The following LCAT variants were observed in gnomAD, a reference collection of about 807,000 sequenced individuals.
LCAT encodes lecithin-cholesterol acyltransferase, also known as phosphatidylcholine-sterol acyltransferase.
Under a neutral mutation model 41.0 loss-of-function variants are expected in LCAT, and 15 were observed. The ratio of observed to expected loss-of-function variants is 0.37; its 90% CI spans 0.24 to 0.56. The LOEUF (loss-of-function observed/expected upper bound fraction) is 0.56, where lower values mean the gene tolerates loss of function less well. LCAT is among the 20% of genes least tolerant of loss of function. The pLI is 0.81. For missense variants in LCAT, 449 were observed against 595.1 expected (o/e 0.75, Z 2.55); for synonymous variants, 248 against 245.4 (o/e 1.01, Z -0.10).
chr16:67,942,325 C>T lies in LCAT; in HGVS notation c.748+38G>A, dbSNP rs747293039. On this transcript the variant is annotated intron_variant, in intron 5 of 5. Coordinates refer to ENST00000264005, the MANE Select transcript of LCAT (RefSeq NM_000229.2). This position sits in a 1 kb window ranked among gnomAD's most constrained non-coding sequence, Gnocchi z 6.6. The stretch of plus-strand genomic sequence containing the variant: ...GGCAGGCCCAGGATCAGCTTGGTCT[C>T]ACCCATCGCTGGACCTAAGTGTTCG... 5 of 1,599,682 alleles carry T rather than the reference C, an allele frequency of 3.1e-6. No homozygotes were observed. The highest frequency in any genetic ancestry group is 1.3e-5 in the African/African-American group (1 of 74,658).
chr16:67,940,207 G>A lies in LCAT; in HGVS notation c.1020C>T (p.Gly340=), dbSNP rs770356071. The A allele has an allele frequency of 2.9e-5, 47 of 1,612,148 alleles. No homozygotes were observed. The highest frequency in any genetic ancestry group is 1.1e-4 in the East Asian group (5 of 44,824). ...AGGTGCGGGGCGTGGGCAGGCCCAC[G>A]CCGTAAAGACAGTATACTTCCACAC... is the stretch of plus-strand genomic sequence containing the variant. ...APGVEVYCLY[G]VGLPTPRTYI... is the part of the protein sequence containing the mutation. The change falls in exon 6 of 6, where the codon GGC becomes GGT. Residue 340 remains glycine, a synonymous_variant. Coordinates refer to ENST00000264005, the MANE Select transcript of LCAT (RefSeq NM_000229.2).
chr16:67,942,232 C>A lies in LCAT; in HGVS notation c.748+131G>T. 7.8e-7 allele frequency: 1 copy of A among 1,283,620 alleles called. No individual in the cohort carries two copies. Among genetic ancestry groups the A allele is most frequent in the South Asian group, 1.3e-5 (1 of 78,352 alleles). 79.5% of individuals were successfully genotyped at this position (1,283,620 alleles called of 1,614,324 possible). A position where few individuals can be genotyped will look rare whatever the true frequency, so the allele number is the denominator to read the frequency against. On this transcript the variant is annotated intron_variant, in intron 5 of 5. Transcript: ENST00000264005. The surrounding 1 kb of genome is among the most constrained non-coding windows in gnomAD (Gnocchi z 6.6). Reference sequence around the variant, plus strand: ...TCACTGCTCTGGGGGCCAGTGACAGCAAGCATGCCAGCCCAGGAGTGGTAG... The same window carrying A: ...TCACTGCTCTGGGGGCCAGTGACAGAAAGCATGCCAGCCCAGGAGTGGTAG...
intron 5 of LCAT, chr16:67,941,747 C>G: frequency 1.9e-5 from 19 of 1,003,042 alleles, no homozygotes; most frequent in Non-Finnish European, 2.3e-5. Context: ...CTTTCTGCTC[C>G]TTGTGTGGCT....
In LCAT at chr16:67,943,753, A is replaced by C; in HGVS notation, c.154+195T>G. 1.7e-6 allele frequency: 1 copy of C among 600,228 alleles called. No individual in the cohort carries two copies. The highest frequency in any genetic ancestry group is 2.9e-6 in the Non-Finnish European group (1 of 347,334). 37.2% of individuals were successfully genotyped at this position (600,228 alleles called of 1,614,324 possible). On this transcript the variant is annotated intron_variant, in intron 1 of 5. Transcript: ENST00000264005. This position sits in a 1 kb window ranked among gnomAD's most constrained non-coding sequence, Gnocchi z 4.6. The stretch of plus-strand genomic sequence containing the variant: ...CCGCCCCCCCTGGGTTAGACAACTG[A>C]GAGTCACAGTGTGGTGGGAGAAGGG...
Position 67,943,907 on chromosome 16 carries a change from AG to A in LCAT, c.154+40del, listed in dbSNP as rs1452173012. On this transcript the variant is annotated intron_variant, in intron 1 of 5. Transcript: ENST00000264005. The surrounding 1 kb of genome is among the most constrained non-coding windows in gnomAD (Gnocchi z 4.6). The stretch of plus-strand genomic sequence containing the variant: ...CCAGGGGCTGGGGCCCAGGCTCCCC[AG>A]GGTCTGGCGTGGTGCATCAGGGGCC... 1 of 1,505,856 alleles carries A rather than the reference AG, an allele frequency of 6.6e-7. No homozygotes were observed. Among genetic ancestry groups the A allele is most frequent in the South Asian group, 1.3e-5 (1 of 79,026 alleles). The allele number at this position is 1,505,856 out of a possible 1,614,324, so 93.3% of individuals were successfully genotyped here.
Position 67,939,838 on chromosome 16 carries a change from G to A in LCAT, c.*66C>T. Reference sequence around the variant, plus strand: ...CTGGTGAGGAGTGAAACCTAGTGTGGGACTCTAGTGCCTCCCTTCAACCTG... The same window carrying A: ...CTGGTGAGGAGTGAAACCTAGTGTGAGACTCTAGTGCCTCCCTTCAACCTG... On this transcript the variant is annotated 3_prime_UTR_variant, in exon 6 of 6. Coordinates refer to ENST00000264005, the MANE Select transcript of LCAT (RefSeq NM_000229.2). 2 of 1,569,828 alleles carry A rather than the reference G, an allele frequency of 1.3e-6. No homozygotes were observed. Among genetic ancestry groups the A allele is most frequent in the Non-Finnish European group, 1.7e-6 (2 of 1,155,448 alleles).
At chr16:67,941,640 G>C in intron 5 of LCAT, 4 of 985,258 alleles carry the variant, frequency 4.1e-6, no homozygotes, top group Non-Finnish European at 4.8e-6. Flanking sequence ...AGTAGGCGGG[G>C]CTTCCTGAGG....
At position 67,943,787 on chromosome 16, in the gene LCAT, C is replaced by T. The variant is rs2058309549; in HGVS notation, c.154+161G>A. ...GTGTGGTGGGAGAAGGGACGTCATT[C>T]CTCTAAGGGACAAGCTTTTGGCCCC... On this transcript the variant is annotated intron_variant, in intron 1 of 5. Transcript: ENST00000264005. The surrounding 1 kb of genome is among the most constrained non-coding windows in gnomAD (Gnocchi z 4.6). 1.5e-6 allele frequency: 1 copy of T among 675,890 alleles called. No individual in the cohort carries two copies. Among genetic ancestry groups the T allele is most frequent in the Admixed American group, 3.0e-5 (1 of 32,942 alleles). The allele number at this position is 675,890 out of a possible 1,614,324, so 41.9% of individuals were successfully genotyped here.
chr16:67,939,962 T>C lies in LCAT; in HGVS notation c.1265A>G (p.Tyr422Cys), dbSNP rs756365811. The C allele has an allele frequency of 6.2e-7, 1 of 1,613,502 alleles. No homozygotes were observed. The highest frequency in any genetic ancestry group is 8.5e-7 in the Non-Finnish European group (1 of 1,179,958). The change falls in exon 6 of 6, where the codon TAC (tyrosine) becomes TGC (cysteine). Residue 422 changes from tyrosine to cysteine, a missense_variant. Transcript: ENST00000264005. The stretch of plus-strand genomic sequence containing the variant: ...CGGGGATGCAGGGGGACCCTGGCGG[T>C]AGGCACCCAGCAGGATGGCATTGAT... ...EHINAILLGA[Y>C]RQGPPASPTA...
chr16:67,941,750 G>A, intron 5 of LCAT: 1 of 1,004,412 alleles, frequency 1.0e-6, no homozygotes, highest in Non-Finnish European at 1.2e-6. Context: ...TCTGCTCCTT[G>A]TGTGGCTTAT....
At position 67,942,266 on chromosome 16, in the gene LCAT, C is replaced by G. The variant is rs1485832163; in HGVS notation, c.748+97G>C. ...CAGCCCAGGAGTGGTAGATAGCACC[C>G]CTAGAGGCCACTGTGAGCAGGAGCC... On this transcript the variant is annotated intron_variant, in intron 5 of 5. Coordinates refer to ENST00000264005, the MANE Select transcript of LCAT (RefSeq NM_000229.2). The surrounding 1 kb of genome is among the most constrained non-coding windows in gnomAD (Gnocchi z 6.6). 36 of 1,385,744 alleles carry G rather than the reference C, an allele frequency of 2.6e-5. No homozygotes were observed. The highest frequency in any genetic ancestry group is 2.3e-4 in the Middle Eastern group (1 of 4,440). The allele number at this position is 1,385,744 out of a possible 1,614,324, so 85.8% of individuals were successfully genotyped here.
chr16:67,943,426 G>A lies in LCAT; in HGVS notation c.155-214C>T. 1.7e-6 allele frequency: 1 copy of A among 603,560 alleles called. No homozygotes were observed. Among genetic ancestry groups the A allele is most frequent in the South Asian group, 1.8e-5 (1 of 54,420 alleles). The allele number at this position is 603,560 out of a possible 1,614,324, so 37.4% of individuals were successfully genotyped here. On this transcript the variant is annotated intron_variant, in intron 1 of 5. Coordinates refer to ENST00000264005, the MANE Select transcript of LCAT (RefSeq NM_000229.2). This position sits in a 1 kb window ranked among gnomAD's most constrained non-coding sequence, Gnocchi z 4.6. The stretch of plus-strand genomic sequence containing the variant: ...GCTTCCCTGAGGAAGGGAAGGCGCT[G>A]AGGTGCTGAGGCCAAGGCCGCTGAC...
At chr16:67,940,739 C>A in intron 5 of LCAT, 1 of 531,098 alleles carries the variant, frequency 1.9e-6, no homozygotes, top group Non-Finnish European at 3.3e-6. Flanking sequence ...TGGCTCACCC[C>A]TGTAATCCCA....
At position 67,942,573 on chromosome 16, in the gene LCAT, ACTC is replaced by A. The variant is rs1567408919; in HGVS notation, c.535_537del (p.Glu179del). ...ACCAGCCCTGCGAGCTTGCGGTAGT[ACTC>A]CTCCTGCTGGCCTGCAGCGGGTGGA... is the stretch of plus-strand genomic sequence containing the variant. On this transcript the variant is annotated inframe_deletion, in exon 5 of 6. Transcript: ENST00000264005. This position sits in a 1 kb window ranked among gnomAD's most constrained non-coding sequence, Gnocchi z 6.6. 3 of 1,612,884 alleles carry A rather than the reference ACTC, an allele frequency of 1.9e-6. No individual in the cohort carries two copies. The highest frequency in any genetic ancestry group is 1.3e-5 in the African/African-American group (1 of 74,870).
Position 67,942,122 on chromosome 16 carries a change from T to C in LCAT, c.748+241A>G. ...AGAACAAACCCTGGGAGCAGATAGCTGGGATTCACTTTCTGTGTTCACTGC... is the reference window on the plus strand; with the variant it reads ...AGAACAAACCCTGGGAGCAGATAGCCGGGATTCACTTTCTGTGTTCACTGC... On this transcript the variant is annotated intron_variant, in intron 5 of 5. Coordinates refer to ENST00000264005, the MANE Select transcript of LCAT (RefSeq NM_000229.2). This position sits in a 1 kb window ranked among gnomAD's most constrained non-coding sequence, Gnocchi z 6.6. 7.1e-7 allele frequency: 1 copy of C among 1,405,650 alleles called. No homozygotes were observed. The highest frequency in any genetic ancestry group is 9.3e-7 in the Non-Finnish European group (1 of 1,070,722). 87.1% of individuals were successfully genotyped at this position (1,405,650 alleles called of 1,614,324 possible). A position where few individuals can be genotyped will look rare whatever the true frequency, so the allele number is the denominator to read the frequency against.
chr16:67,941,930 G>A, intron 5 of LCAT: 1 of 1,172,630 alleles, frequency 8.5e-7, no homozygotes, highest in Non-Finnish European at 1.1e-6. Flanking sequence ...AGCTGTGTCA[G>A]TGCTGGGCCC....
Position 67,942,741 on chromosome 16 carries a change from G to T in LCAT, c.453C>A (p.Asn151Lys), listed in dbSNP as rs754109587. Residue 151 changes from asparagine (N) to lysine (K), a missense_variant, in exon 4 of 6, where the codon AAC (asparagine) becomes AAA (lysine). Asn to Lys is a moderately conservative substitution (Grantham distance 94). Transcript: ENST00000264005. The surrounding 1 kb of genome is among the most constrained non-coding windows in gnomAD (Gnocchi z 6.6). ...CCCGCACGTAGCCATTGTTGACCAG[G>T]TTCTGCACCAGTGTGTGCAGGTACC... Reference protein sequence around the residue: ...LAGYLHTLVQNLVNNGYVRDE... With the variant: ...LAGYLHTLVQKLVNNGYVRDE... 6.2e-7 allele frequency: 1 copy of T among 1,612,910 alleles called. No individual in the cohort carries two copies. Among genetic ancestry groups the T allele is most frequent in the Non-Finnish European group, 8.5e-7 (1 of 1,179,944 alleles).
In LCAT at chr16:67,943,119, G is replaced by C. The variant is rs763589763; in HGVS notation, c.248C>G (p.Thr83Ser). The C allele has an allele frequency of 7.4e-6, 12 of 1,613,986 alleles. No homozygotes were observed. The highest frequency in any genetic ancestry group is 1.0e-5 in the Non-Finnish European group (12 of 1,179,938). Reference protein sequence around the residue: ...MCYRKTEDFFTIWLDLNMFLP... With the variant: ...MCYRKTEDFFSIWLDLNMFLP... ...GAACATGTTGAGATCCAGCCAGATG[G>C]TGAAGAAGTCCTCTGTCTTGCGGTA... The change falls in exon 2 of 6, where the codon ACC (threonine) becomes AGC (serine). Residue 83 changes from threonine (T) to serine (S), a missense_variant. By Grantham distance (58) the Thr-to-Ser change is moderately conservative (BLOSUM62 1). Coordinates refer to ENST00000264005, the MANE Select transcript of LCAT (RefSeq NM_000229.2). The surrounding 1 kb of genome is among the most constrained non-coding windows in gnomAD (Gnocchi z 4.6).
In LCAT at chr16:67,943,802, CT is replaced by C; in HGVS notation, c.154+145del. The C allele has an allele frequency of 2.7e-6, 2 of 744,534 alleles. No homozygotes were observed. The highest frequency in any genetic ancestry group is 2.8e-5 in the East Asian group (1 of 36,322). 46.1% of individuals were successfully genotyped at this position (744,534 alleles called of 1,614,324 possible). A position where few individuals can be genotyped will look rare whatever the true frequency, so the allele number is the denominator to read the frequency against. ...GGACGTCATTCCTCTAAGGGACAAG[CT>C]TTTGGCCCCTCCCCACACCAGGGCA... On this transcript the variant is annotated intron_variant, in intron 1 of 5. Transcript: ENST00000264005. This position sits in a 1 kb window ranked among gnomAD's most constrained non-coding sequence, Gnocchi z 4.6.
Sources: gnomAD v4.1 joint callset for allele counts on GRCh38, gnomAD v4.1.1 for gene constraint, Gnocchi (gnomAD v3.1) non-coding constraint, MANE v1.5 for transcripts, NCBI Gene and HGNC (gene_info 2026-07-23, HGNC 2026-07-21) for gene names.